CMSS1: variants seen among roughly 807,000 people sequenced by gnomAD.
The protein encoded by CMSS1 is cms1 ribosomal small subunit homolog.
CMSS1 carries 33 observed loss-of-function variants against 43.5 expected under a neutral mutation model. The observed-to-expected ratio is 0.76, with a 90% CI of 0.57 to 1.01. CMSS1 has a LOEUF of 1.01. Among genes scored for constraint, CMSS1 ranks in the 50% least tolerant of loss-of-function variants. The pLI is 0.00. For missense variants in CMSS1, 313 were observed against 326.4 expected (o/e 0.96, Z 0.32); for synonymous variants, 115 against 117.2 (o/e 0.98, Z 0.12).
intron 9 of CMSS1, among the ~76,000 whole-genome samples, chr3:100,177,667 C>A (rs756331724): frequency 6.6e-6 from 1 of 151,952 alleles, no homozygotes; most frequent in Non-Finnish European, 1.5e-5. Context: ...TTATATAGTA[C>A]CTCCTCCTTC....
At chr3:99,998,394 G>C (rs1448562433) in intron 1 of CMSS1, among the ~76,000 whole-genome samples, 1 of 152,086 alleles carries the variant, frequency 6.6e-6, no homozygotes, top group Non-Finnish European at 1.5e-5. Flanking sequence ...TTAAATGTTT[G>C]TATACCAACA....
chr3:99,992,721 G>C (rs1709560858), intron 1 of CMSS1, among the ~76,000 whole-genome samples: 1 of 151,718 alleles, frequency 6.6e-6, no homozygotes, highest in Non-Finnish European at 1.5e-5. Flanking sequence ...TTGAGGACTT[G>C]GTCATAAATT....
At chr3:100,059,624 G>A (rs1450441198) in intron 1 of CMSS1, among the ~76,000 whole-genome samples, 2 of 152,176 alleles carry the variant, frequency 1.3e-5, no homozygotes, top group Non-Finnish European at 2.9e-5. Flanking sequence ...GCCAGAAGGC[G>A]GGGGCCAAGT....
intron 1 of CMSS1, among the ~76,000 whole-genome samples, chr3:99,846,726 A>T (rs1364937743): frequency 6.6e-6 from 1 of 152,304 alleles, no homozygotes; most frequent in East Asian, 1.9e-4. Flanking sequence ...CATGAAATTG[A>T]TTTTGTAGGG....
At chr3:100,055,355 C>T (rs747440235) in intron 1 of CMSS1, among the ~76,000 whole-genome samples, 15 of 152,208 alleles carry the variant, frequency 9.9e-5, no homozygotes, top group Non-Finnish European at 1.8e-4. Flanking sequence ...TCCATCCAGG[C>T]GATAGAAAAT....
intron 1 of CMSS1, among the ~76,000 whole-genome samples, chr3:100,072,225 A>G (rs1262374116): frequency 6.6e-6 from 1 of 152,220 alleles, no homozygotes; most frequent in African/African-American, 2.4e-5. Flanking sequence ...TTTCAGCTCT[A>G]TCTCCCCAAG....
rs993131337 is a variant in CMSS1, at chr3:100,076,478, T to G, written c.65-70495T>G. Among the ~76,000 whole-genome samples, 19 of 152,348 alleles carry G rather than the reference T, an allele frequency of 1.2e-4. No homozygotes were observed. The East Asian group carries it at 3.7e-3, about 29-fold the overall frequency. On this transcript the variant is annotated intron_variant, in intron 1 of 9. Transcript: ENST00000421999. Reference sequence around the variant, plus strand: ...GGACAGCTTCACATCTACTTTATGCTTTGCTATTTCTGTTATATTGCAAAA... The same window carrying G: ...GGACAGCTTCACATCTACTTTATGCGTTGCTATTTCTGTTATATTGCAAAA...
At chr3:100,003,567 T>C (rs1709904489) in intron 1 of CMSS1, among the ~76,000 whole-genome samples, 1 of 152,186 alleles carries the variant, frequency 6.6e-6, no homozygotes. Context: ...GTGTCAGAAT[T>C]GGAATTAGAA....
At chr3:99,928,113 A>G (rs1438923141) in intron 1 of CMSS1, among the ~76,000 whole-genome samples, 1 of 152,246 alleles carries the variant, frequency 6.6e-6, no homozygotes, top group African/African-American at 2.4e-5. Context: ...AGCATTCAAG[A>G]TGCTTATTCT....
In CMSS1 at chr3:100,161,640, A is replaced by G. The variant is rs570956505; in HGVS notation, c.226-663A>G. 5.3e-5 allele frequency among the ~76,000 whole-genome samples: 8 copies of G among 152,242 alleles called. No homozygotes were observed. The South Asian group carries it at 1.7e-3, about 32-fold the overall frequency. On this transcript the variant is annotated intron_variant, in intron 3 of 9. Coordinates refer to ENST00000421999, the MANE Select transcript of CMSS1 (RefSeq NM_032359.4). Reference sequence around the variant, plus strand: ...TAGAAGGAAGTGAGAAGGGAAGCTTATGATGGAAATAAATGAATGATTGTG... The same window carrying G: ...TAGAAGGAAGTGAGAAGGGAAGCTTGTGATGGAAATAAATGAATGATTGTG...
chr3:99,965,485 A>C (rs576572170), intron 1 of CMSS1, among the ~76,000 whole-genome samples: 1 of 152,306 alleles, frequency 6.6e-6, no homozygotes, highest in East Asian at 1.9e-4. Context: ...GATAAATGTT[A>C]AATTTGTAGC....
At chr3:99,977,818 C>T (rs1008290335) in intron 1 of CMSS1, among the ~76,000 whole-genome samples, 1 of 152,100 alleles carries the variant, frequency 6.6e-6, no homozygotes, top group Non-Finnish European at 1.5e-5. Flanking sequence ...TAAACCTAGG[C>T]AGTCATTTAC....
intron 1 of CMSS1, chr3:100,040,541 G>C (rs2065187366): frequency 6.6e-6 from 1 of 152,116 alleles, no homozygotes; most frequent in Non-Finnish European, 1.5e-5. Context: ...CTCTGCATCT[G>C]CTTTTTCCCC....
intron 2 of CMSS1, among the ~76,000 whole-genome samples, chr3:100,150,123 C>A (rs545432921): frequency 1.3e-5 from 2 of 152,156 alleles, no homozygotes; most frequent in African/African-American, 4.8e-5. Flanking sequence ...CCCACCACCC[C>A]AAGGATGACT....
At chr3:100,065,791 T>C (rs1190781900) in intron 1 of CMSS1, among the ~76,000 whole-genome samples, 3 of 152,218 alleles carry the variant, frequency 2.0e-5, no homozygotes, top group Non-Finnish European at 2.9e-5. Flanking sequence ...TAAAACGTTA[T>C]ATTTCAATAC....
chr3:100,046,837 G>A (rs12633530), intron 1 of CMSS1, among the ~76,000 whole-genome samples: 1 of 152,208 alleles, frequency 6.6e-6, no homozygotes, highest in Non-Finnish European at 1.5e-5. Flanking sequence ...TAAGTGCTCA[G>A]TGAGTGGTGA....
chr3:100,172,207 T>C (rs1443025522), intron 7 of CMSS1, 109 bp from the exon 8 acceptor site: 11 of 958,244 alleles, frequency 1.1e-5, no homozygotes, highest in Non-Finnish European at 1.6e-5. Flanking sequence ...CAAGGGTAGC[T>C]CCATTTGTAT....
At chr3:100,150,794 T>G (rs2066900612) in intron 2 of CMSS1, among the ~76,000 whole-genome samples, 1 of 152,210 alleles carries the variant, frequency 6.6e-6, no homozygotes, top group African/African-American at 2.4e-5. Context: ...CATCACCCTC[T>G]TCCCTCTTCA....
At chr3:100,159,409 C>G (rs2067003820) in intron 2 of CMSS1, among the ~76,000 whole-genome samples, 1 of 152,172 alleles carries the variant, frequency 6.6e-6, no homozygotes, top group African/African-American at 2.4e-5. Context: ...CATAGACATT[C>G]TCAATCTGCA....
Sources: allele counts gnomAD v4.1 joint callset (sites outside exome capture counted in the v4.1 genomes callset), GRCh38; gene constraint gnomAD v4.1.1; transcripts MANE v1.5; gene names NCBI Gene and HGNC (gene_info 2026-07-23, HGNC 2026-07-21).